The following NPEPL1 variants were observed in gnomAD, a reference collection of about 807,000 sequenced individuals.
NPEPL1 encodes aminopeptidase like 1.
NPEPL1 carries 45 observed loss-of-function variants against 52.4 expected under a neutral mutation model. The observed-to-expected ratio is 0.86, with a 90% CI of 0.68 to 1.10. The LOEUF (loss-of-function observed/expected upper bound fraction) is 1.10, where lower values mean the gene tolerates loss of function less well. Among genes scored for constraint, NPEPL1 ranks in the 50% least tolerant of loss-of-function variants. The pLI is 0.00. For missense variants in NPEPL1, 696 were observed against 710.9 expected (o/e 0.98, Z 0.24); for synonymous variants, 360 against 314.7 (o/e 1.14, Z -1.52).
upstream of NPEPL1, chr20:58,692,636 AC>A: frequency 5.0e-6 from 1 of 200,452 alleles, no homozygotes; most frequent in Non-Finnish European, 8.7e-6. The surrounding 1 kb of genome is among the most constrained non-coding windows in gnomAD (Gnocchi z 5.7). Flanking sequence ...CGCGGGCCCT[AC>A]TCGGCAGGGC....
upstream of NPEPL1, chr20:58,691,693 C>CTTTTT (rs11471424): frequency 5.5e-3 from 3,100 of 563,264 alleles, 5 homozygotes; most frequent in South Asian, 0.012. Flanking sequence ...TTTTTCTTTT[C>CTTTTT]TTTTTTTTTT....
At chr20:58,690,635 T>C (rs1352516195), upstream of NPEPL1, among the ~76,000 whole-genome samples, 1 of 152,258 alleles carries the variant, frequency 6.6e-6, no homozygotes, top group Non-Finnish European at 1.5e-5. Context: ...GAATCACCAA[T>C]ATTTGCTTTT....
chr20:58,698,774 G>T lies in NPEPL1; in HGVS notation c.597+1G>T. On this transcript the variant is annotated splice_donor_variant, in intron 4 of 11. Coordinates refer to ENST00000356091, the MANE Select transcript of NPEPL1 (RefSeq NM_024663.4). LOFTEE classifies it high-confidence loss of function. The stretch of plus-strand genomic sequence containing the variant: ...GATGAACACCGACACCTTCCTCGAG[G>T]TTTGTGGCGTCATCAGGCCGGGGGT... 1 of 1,612,114 alleles carries T rather than the reference G, an allele frequency of 6.2e-7. No homozygotes were observed. The highest frequency in any genetic ancestry group is 8.5e-7 in the Non-Finnish European group (1 of 1,179,660).
Position 58,693,449 on chromosome 20 carries a change from T to C in NPEPL1, c.151-288T>C, listed in dbSNP as rs911539271. ...CACCTGGCCCCTGCCCCCTCTCTGGTGGAAGCCGCCTAAGCCCTATCCGAG... is the reference window on the plus strand; with the variant it reads ...CACCTGGCCCCTGCCCCCTCTCTGGCGGAAGCCGCCTAAGCCCTATCCGAG... On this transcript the variant is annotated intron_variant, in intron 1 of 11. Coordinates refer to ENST00000356091, the MANE Select transcript of NPEPL1 (RefSeq NM_024663.4). The C allele has an allele frequency of 8.9e-6, 3 of 335,332 alleles. 1 individual carries two copies. Among genetic ancestry groups the C allele is most frequent in the Middle Eastern group, 1.5e-3 (2 of 1,292 alleles). The allele number at this position is 335,332 out of a possible 1,614,324, so 20.8% of individuals were successfully genotyped here.
In NPEPL1 at chr20:58,713,874, C is replaced by T. The variant is rs1464347107; in HGVS notation, c.1126-43C>T. ...CTCTTTTGCCTTGGGTGTTTCTCTC[C>T]TGCCGTCCCGTCCACACGCTTCCCG... is the stretch of plus-strand genomic sequence containing the variant. On this transcript the variant is annotated intron_variant, in intron 9 of 11. Coordinates refer to ENST00000356091, the MANE Select transcript of NPEPL1 (RefSeq NM_024663.4). The surrounding 1 kb of genome is among the most constrained non-coding windows in gnomAD (Gnocchi z 4.6). The T allele has an allele frequency of 6.3e-6, 9 of 1,421,876 alleles. No homozygotes were observed. The allele number at this position is 1,421,876 out of a possible 1,614,324, so 88.1% of individuals were successfully genotyped here. A position where few individuals can be genotyped will look rare whatever the true frequency, so the allele number is the denominator to read the frequency against.
Position 58,713,118 on chromosome 20 carries a change from G to A in NPEPL1, c.1002-302G>A. On this transcript the variant is annotated intron_variant, in intron 8 of 11. Transcript: ENST00000356091. This position sits in a 1 kb window ranked among gnomAD's most constrained non-coding sequence, Gnocchi z 4.6. ...GCCAGGCACAGTGTGCTGAAGGCCA[G>A]CCCAGCCGGTTCATGCCACCCACTT... 2 of 395,744 alleles carry A rather than the reference G, an allele frequency of 5.1e-6. No individual in the cohort carries two copies. The highest frequency in any genetic ancestry group is 9.8e-5 in the East Asian group (2 of 20,368). The allele number at this position is 395,744 out of a possible 1,614,324, so 24.5% of individuals were successfully genotyped here. A position where few individuals can be genotyped will look rare whatever the true frequency, so the allele number is the denominator to read the frequency against.
At chr20:58,705,535 T>C (rs915767243) in intron 6 of NPEPL1, 4 of 456,266 alleles carry the variant, frequency 8.8e-6, no homozygotes, top group South Asian at 6.2e-5. Flanking sequence ...CCGGACCTCT[T>C]TGGGACTGTG....
chr20:58,704,267 C>T (rs2084694664), intron 6 of NPEPL1: 3 of 981,130 alleles, frequency 3.1e-6, no homozygotes, highest in Non-Finnish European at 3.6e-6. Context: ...CTGGAGCCAG[C>T]CCAGCTCCCA....
Position 58,714,058 on chromosome 20 carries a change from A to G in NPEPL1, c.1267A>G (p.Thr423Ala). The G allele has an allele frequency of 6.5e-7, 1 of 1,545,736 alleles. No individual in the cohort carries two copies. The highest frequency in any genetic ancestry group is 8.7e-7 in the Non-Finnish European group (1 of 1,146,762). ...YCPELHFSEF[T>A]SAVADMKNSV... ...CCCCGAGCTGCACTTCAGCGAGTTC[A>G]CCTCAGCTGTGGCGGACATGAAGAA... is the stretch of plus-strand genomic sequence containing the variant. The change falls in exon 10 of 12, where the codon ACC becomes GCC. Residue 423 changes from threonine (T) to alanine (A), a missense_variant. By Grantham distance (58) the Thr-to-Ala change is moderately conservative. Transcript: ENST00000356091.
chr20:58,701,326 G>C (rs1324464855), intron 6 of NPEPL1, among the ~76,000 whole-genome samples, 168 bp downstream of exon 6: 3 of 130,982 alleles, frequency 2.3e-5, no homozygotes, highest in African/African-American at 8.6e-5. Context: ...GGTGGGGTGG[G>C]GTGGGGAGGG....
At chr20:58,692,121 G>T, upstream of NPEPL1, 1 of 439,586 alleles carries the variant, frequency 2.3e-6, no homozygotes, top group Non-Finnish European at 4.1e-6. This position sits in a 1 kb window ranked among gnomAD's most constrained non-coding sequence, Gnocchi z 5.7. Flanking sequence ...AGGGGTGGGC[G>T]GGAAGGCCCC....
upstream of NPEPL1, chr20:58,691,309 T>C (rs578072856): frequency 6.7e-4 from 431 of 642,842 alleles, no homozygotes; most frequent in Non-Finnish European, 1.0e-3. Flanking sequence ...TAGCGTTGAC[T>C]TTTATGTCGG....
At chr20:58,712,699 C>A in intron 8 of NPEPL1, 120 bp downstream of exon 8, 1 of 764,186 alleles carries the variant, frequency 1.3e-6, no homozygotes, top group Non-Finnish European at 2.3e-6. Context: ...GTCCCCTGGG[C>A]AGCAGGCTCC....
chr20:58,691,694 T>TTTTTTTTTTTTTG, upstream of NPEPL1: 1 of 56,256 alleles, frequency 1.8e-5, no homozygotes, highest in Non-Finnish European at 3.1e-5. Flanking sequence ...TTTTCTTTTC[T>TTTTTTTTTTTTTG]TTTTTTTTTT....
At chr20:58,710,121 G>A (rs919206045) in intron 7 of NPEPL1, among the ~76,000 whole-genome samples, 2 of 138,360 alleles carry the variant, frequency 1.4e-5, no homozygotes, top group Non-Finnish European at 3.0e-5. Flanking sequence ...TCACTGCAAC[G>A]CCTCCCAGGT....
At chr20:58,709,504 G>A (rs1190377379) in intron 7 of NPEPL1, among the ~76,000 whole-genome samples, 2 of 152,180 alleles carry the variant, frequency 1.3e-5, no homozygotes, top group East Asian at 3.9e-4. Context: ...TTCATTCCAG[G>A]TGAGAGTGGC....
At position 58,693,922 on chromosome 20, in the gene NPEPL1, G is replaced by A. The variant is rs1290593415; in HGVS notation, c.336G>A (p.Val112=). The change falls in exon 2 of 12, where the codon GTG becomes GTA. Residue 112 remains valine (V), a splice_region_variant and synonymous_variant. Transcript: ENST00000356091. ...CLPPGAHRCI[V]MVCEQPEVFA... Reference sequence around the variant, plus strand: ...CGCCCGGAGCGCATCGCTGCATTGTGGTGAGTGCTTCGAGAGGAGGCAGCC... The same window carrying A: ...CGCCCGGAGCGCATCGCTGCATTGTAGTGAGTGCTTCGAGAGGAGGCAGCC... The A allele has an allele frequency of 1.3e-6, 2 of 1,587,870 alleles. No individual in the cohort carries two copies. Among genetic ancestry groups the A allele is most frequent in the South Asian group, 1.1e-5 (1 of 89,288 alleles).
At chr20:58,706,419 G>T (rs1199940655) in intron 6 of NPEPL1, among the ~76,000 whole-genome samples, 1 of 152,228 alleles carries the variant, frequency 6.6e-6, no homozygotes, top group Non-Finnish European at 1.5e-5. Flanking sequence ...AGAATGCTGA[G>T]CCTAAGTCTC....
intron 7 of NPEPL1, among the ~76,000 whole-genome samples, chr20:58,707,602 C>T (rs567866449): frequency 6.6e-6 from 1 of 152,210 alleles, no homozygotes; most frequent in Non-Finnish European, 1.5e-5. Context: ...TGACTGGTCT[C>T]ACCAAGTCAC....
Sources: allele counts gnomAD v4.1 joint callset (sites outside exome capture counted in the v4.1 genomes callset), GRCh38; gene constraint gnomAD v4.1.1; non-coding constraint Gnocchi (gnomAD v3.1); transcripts MANE v1.5; gene names NCBI Gene and HGNC (gene_info 2026-07-23, HGNC 2026-07-21).